VGLL4: variants seen among roughly 807,000 people sequenced by gnomAD.
The protein encoded by VGLL4 is transcription cofactor vestigial-like protein 4.
VGLL4 carries 7 observed loss-of-function variants against 21.0 expected under a neutral mutation model. That is an observed-to-expected ratio of 0.33 (90% CI 0.19 to 0.63). The LOEUF (loss-of-function observed/expected upper bound fraction) is 0.63. VGLL4 is among the 20% of genes least tolerant of loss of function. The pLI is 0.78. For missense variants in VGLL4, 394 were observed against 425.7 expected, an observed-to-expected ratio of 0.93 and a Z score of 0.66; for synonymous variants, 222 against 173.2, an observed-to-expected ratio of 1.28 and a Z score of -2.21.
chr3:11,617,324 T>C (rs2075180628), intron 1 of VGLL4, among the ~76,000 whole-genome samples: 1 of 152,140 alleles, frequency 6.6e-6, no homozygotes, highest in South Asian at 2.1e-4. Context: ...TAAGGCTGGA[T>C]ACAGAGAGGT....
At chr3:11,680,834 G>A (rs555607217) in intron 2 of VGLL4, among the ~76,000 whole-genome samples, 1 of 152,332 alleles carries the variant, frequency 6.6e-6, no homozygotes, top group African/African-American at 2.4e-5. Context: ...CAGAGATGAC[G>A]CTTCTCACCT....
intron 2 of VGLL4, among the ~76,000 whole-genome samples, chr3:11,699,155 G>A (rs1289979625): frequency 6.6e-6 from 1 of 152,212 alleles, no homozygotes; most frequent in Non-Finnish European, 1.5e-5. Context: ...AGAAAGCTGA[G>A]TCAGGCTGAA....
chr3:11,721,475 A>C (rs1445890173), upstream of VGLL4, among the ~76,000 whole-genome samples: 1 of 152,208 alleles, frequency 6.6e-6, no homozygotes, highest in Non-Finnish European at 1.5e-5. Flanking sequence ...TCAACCTAGG[A>C]ATAGGTCCCC....
chr3:11,670,078 T>C (rs2076182112), intron 2 of VGLL4, among the ~76,000 whole-genome samples: 1 of 151,692 alleles, frequency 6.6e-6, no homozygotes, highest in Non-Finnish European at 1.5e-5. Context: ...ATGCATTATG[T>C]ATGGGAGGAG....
At chr3:11,690,687 C>T (rs150574530) in intron 2 of VGLL4, among the ~76,000 whole-genome samples, 1 of 152,132 alleles carries the variant, frequency 6.6e-6, no homozygotes, top group African/African-American at 2.4e-5. Flanking sequence ...ATGAGACAGG[C>T]AGTCCTAGAA....
chr3:11,705,202 T>C (rs1299289090), intron 1 of VGLL4, among the ~76,000 whole-genome samples: 3 of 152,202 alleles, frequency 2.0e-5, no homozygotes, highest in African/African-American at 4.8e-5. Flanking sequence ...CAAGTTATCC[T>C]GGCCGCACCA....
Position 11,559,390 on chromosome 3 carries a change from G to A in VGLL4, c.561C>T (p.Pro187=), listed in dbSNP as rs937301844. ...GARNCNLSHC[P]IAHSGCAAPG... is the part of the protein sequence containing the mutation. The stretch of plus-strand genomic sequence containing the variant: ...GCGCGGCACAGCCGCTGTGCGCGAT[G>A]GGGCAGTGCGAGAGGTTGCAGTTGC... Residue 187 remains proline (P), a synonymous_variant, in exon 4 of 5, where the codon CCC becomes CCT. Transcript: ENST00000430365. The A allele has an allele frequency of 1.9e-6, 3 of 1,559,688 alleles. No homozygotes were observed.
At chr3:11,573,823 C>T (rs1012890955) in intron 2 of VGLL4, among the ~76,000 whole-genome samples, 3 of 152,180 alleles carry the variant, frequency 2.0e-5, no homozygotes, top group Non-Finnish European at 4.4e-5. Flanking sequence ...CCTAGGTTCT[C>T]TGAATGTGAG....
At chr3:11,633,091 A>C (rs981178650) in intron 1 of VGLL4, 1 of 152,240 alleles carries the variant, frequency 6.6e-6, no homozygotes, top group Non-Finnish European at 1.5e-5. Flanking sequence ...CTCTAAGAAC[A>C]GTATTCTAAG....
At chr3:11,707,971 C>T (rs987058740) in intron 1 of VGLL4, among the ~76,000 whole-genome samples, 4 of 152,166 alleles carry the variant, frequency 2.6e-5, no homozygotes, top group African/African-American at 7.2e-5. Flanking sequence ...ACCATGGCTA[C>T]AGTATTAGAT....
upstream of VGLL4, among the ~76,000 whole-genome samples, chr3:11,648,156 C>A (rs148842221): frequency 1.3e-5 from 2 of 152,202 alleles, no homozygotes; most frequent in African/African-American, 4.8e-5. Flanking sequence ...TCTTTTTCTA[C>A]GAATGAATAA....
intron 1 of VGLL4, among the ~76,000 whole-genome samples, chr3:11,717,630 C>T (rs928574599): frequency 6.6e-6 from 1 of 150,996 alleles, no homozygotes; most frequent in Non-Finnish European, 1.5e-5. Context: ...GGTGAAACAC[C>T]GCGCCCGGCC....
intron 2 of VGLL4, among the ~76,000 whole-genome samples, chr3:11,585,988 C>G (rs2074353545): frequency 6.6e-6 from 1 of 152,136 alleles, no homozygotes; most frequent in Non-Finnish European, 1.5e-5. Flanking sequence ...GTCTCTGGGT[C>G]CCCTCTTCCC....
At chr3:11,650,884 T>C (rs551818672) in intron 2 of VGLL4, among the ~76,000 whole-genome samples, 47 of 152,254 alleles carry the variant, frequency 3.1e-4, no homozygotes, top group Non-Finnish European at 5.4e-4. Flanking sequence ...TTTCAGAGGA[T>C]CTCTAGGTCC....
chr3:11,702,522 G>A (rs889960778), intron 2 of VGLL4, among the ~76,000 whole-genome samples: 1 of 151,260 alleles, frequency 6.6e-6, no homozygotes, highest in Non-Finnish European at 1.5e-5. Flanking sequence ...CCAGCTACTT[G>A]GGAGGCTGAG....
intron 1 of VGLL4, among the ~76,000 whole-genome samples, chr3:11,609,910 G>C (rs1170678628): frequency 6.6e-6 from 1 of 152,230 alleles, no homozygotes; most frequent in Non-Finnish European, 1.5e-5. Context: ...TTTAAGGATA[G>C]ATTTTTGACA....
At chr3:11,665,103 T>TTTC (rs1559932572) in intron 2 of VGLL4, among the ~76,000 whole-genome samples, 1 of 24,966 alleles carries the variant, frequency 4.0e-5, no homozygotes, top group South Asian at 1.3e-3. Flanking sequence ...ATATTTTTCT[T>TTTC]TTTTTTTTTT....
chr3:11,689,752 G>T (rs1457549577), intron 2 of VGLL4, among the ~76,000 whole-genome samples: 3 of 152,198 alleles, frequency 2.0e-5, no homozygotes, highest in Non-Finnish European at 4.4e-5. Flanking sequence ...CCTGGGGAAG[G>T]CCAGCTACCT....
At position 11,571,047 on chromosome 3, in the gene VGLL4, G is replaced by A. The variant is rs920211935; in HGVS notation, c.273-6028C>T. ...CTGGGTGAAGACGATGTTTGCCGAGGTGGCGGAGGCTGAGGCAGAGACACC... is the reference window on the plus strand; with the variant it reads ...CTGGGTGAAGACGATGTTTGCCGAGATGGCGGAGGCTGAGGCAGAGACACC... On this transcript the variant is annotated intron_variant, in intron 2 of 4. Transcript: ENST00000430365. 2.0e-5 allele frequency among the ~76,000 whole-genome samples: 3 copies of A among 152,344 alleles called. No individual in the cohort carries two copies. In the East Asian group the frequency reaches 5.8e-4, roughly 29 times the overall value.
Sources: gnomAD v4.1 joint callset for allele counts (sites outside exome capture counted in the v4.1 genomes callset) on GRCh38, gnomAD v4.1.1 for gene constraint, MANE v1.5 for transcripts, NCBI Gene and HGNC (gene_info 2026-07-23, HGNC 2026-07-21) for gene names.